The following UBR1 variants were observed in gnomAD, a reference collection of about 807,000 sequenced individuals.
The protein encoded by UBR1 is ubiquitin protein ligase E3 component n-recognin 1.
A neutral mutation model predicts 242.1 loss-of-function variants in UBR1; 102 were observed. The observed-to-expected ratio is 0.42, with a 90% CI of 0.36 to 0.50. The LOEUF (loss-of-function observed/expected upper bound fraction) is 0.50, where lower values mean the gene tolerates loss of function less well. Among genes scored for constraint, UBR1 ranks in the 20% least tolerant of loss-of-function variants. The pLI is 0.01. For missense variants in UBR1, 1,772 were observed against 2,101.8 expected (o/e 0.84, Z 3.07); for synonymous variants, 675 against 684.8 (o/e 0.99, Z 0.22).
intron 3 of UBR1, among the ~76,000 whole-genome samples, chr15:43,076,423 G>A (rs954294130): frequency 4.0e-5 from 6 of 151,342 alleles, no homozygotes; most frequent in Non-Finnish European, 7.4e-5. Context: ...AGTGAGGAGC[G>A]TCTCTGCCCG....
chr15:43,027,943 A>G (rs1186566009), intron 21 of UBR1, 115 bp from the exon 22 acceptor site: 6 of 924,918 alleles, frequency 6.5e-6, no homozygotes, highest in Non-Finnish European at 9.9e-6. Flanking sequence ...AATTTTAAAA[A>G]GATCAATTTC....
chr15:42,959,922 G>A (rs549107164), intron 43 of UBR1, among the ~76,000 whole-genome samples: 1 of 152,334 alleles, frequency 6.6e-6, no homozygotes, highest in African/African-American at 2.4e-5. Flanking sequence ...TGGTACTAGT[G>A]TTGGTATTTA....
intron 12 of UBR1, among the ~76,000 whole-genome samples, chr15:43,053,103 A>G (rs905200677): frequency 5.3e-5 from 8 of 152,210 alleles, no homozygotes; most frequent in African/African-American, 1.9e-4. Context: ...CCTGCAGAAC[A>G]GGTGTTAATT....
Position 42,988,828 on chromosome 15 carries a change from G to C in UBR1, c.3988C>G (p.Gln1330Glu). ...TTCTTATGAGCTTTACCAATTGCCT[G>C]GATAGTGAAAGCGCAGGTGCTCCAG... ...LTWSTCAFTI[Q>E]AIENLLGDEG... Residue 1330 changes from glutamine (Q) to glutamate (E), a missense_variant, in exon 35 of 47, where the codon CAG becomes GAG. Gln to Glu is a conservative substitution (Grantham distance 29, BLOSUM62 2). Transcript: ENST00000290650. 1.2e-6 allele frequency: 2 copies of C among 1,614,178 alleles called. No homozygotes were observed. The highest frequency in any genetic ancestry group is 1.7e-6 in the Non-Finnish European group (2 of 1,180,042).
Position 43,056,412 on chromosome 15 carries a change from T to C in UBR1, c.1213A>G (p.Ser405Gly), listed in dbSNP as rs77360687. 3,084 of 1,611,792 alleles carry C rather than the reference T, an allele frequency of 1.9e-3. 27 individuals are homozygous for C. The African/African-American group carries it at 0.025, about 13-fold the overall frequency. Residue 405 changes from serine to glycine, a missense_variant, in exon 11 of 47, where the codon AGT (serine) becomes GGT (glycine). By Grantham distance (56) the Ser-to-Gly change is moderately conservative. Coordinates refer to ENST00000290650, the MANE Select transcript of UBR1 (RefSeq NM_174916.3). ...YYKQLQKEYI[S>G]DDHDRSISIT... is the part of the protein sequence containing the mutation. ...GAGATACTTCTGTCATGATCATCAC[T>C]GATATATTCTTTCTGCAGTTGTTTA...
At chr15:42,988,991 G>C (rs925967756) in intron 34 of UBR1, 24 bp from the exon 35 acceptor site, 2 of 1,569,040 alleles carry the variant, frequency 1.3e-6, no homozygotes, top group Non-Finnish European at 1.8e-6. Flanking sequence ...AAGAAAATTT[G>C]TATGATTTAG....
intron 30 of UBR1, among the ~76,000 whole-genome samples, chr15:43,006,545 C>G (rs555706441): frequency 4.7e-4 from 71 of 152,330 alleles, no homozygotes; most frequent in African/African-American, 1.6e-3. Context: ...GCTGGGATTA[C>G]AGGCGTGAGC....
intron 39 of UBR1, 137 bp from the exon 40 acceptor site, chr15:42,970,744 C>CA: frequency 1.3e-6 from 1 of 790,386 alleles, no homozygotes; most frequent in Non-Finnish European, 2.0e-6. Context: ...TTTTTTGAGA[C>CA]AGAGTTTCGC....
chr15:43,030,102 G>C (rs748391707), intron 20 of UBR1, 34 bp from the exon 21 acceptor site: 4 of 1,599,412 alleles, frequency 2.5e-6, no homozygotes, highest in Non-Finnish European at 3.4e-6. Context: ...AAAAAAAGTA[G>C]AATAATTATT....
intron 3 of UBR1, among the ~76,000 whole-genome samples, chr15:43,081,334 T>C (rs1476274416): frequency 1.3e-5 from 2 of 148,936 alleles, no homozygotes; most frequent in Non-Finnish European, 3.0e-5. Flanking sequence ...GGAGAATCAC[T>C]TGAAGCCAGG....
chr15:43,006,477 C>T (rs535487442), intron 30 of UBR1, among the ~76,000 whole-genome samples: 1 of 152,318 alleles, frequency 6.6e-6, no homozygotes, highest in African/African-American at 2.4e-5. Flanking sequence ...GCCATGTTGC[C>T]TAGGCTGGTC....
At position 42,945,150 on chromosome 15, in the gene UBR1, CAT is replaced by C. The variant is rs2031710718; in HGVS notation, c.*177_*178del. On this transcript the variant is annotated 3_prime_UTR_variant, in exon 47 of 47. Coordinates refer to ENST00000290650, the MANE Select transcript of UBR1 (RefSeq NM_174916.3). ...ATCTATGTCCTTTTTTCCTGTGAAGCATATGTTTGCTAATTGAAAGCAATACT... is the reference window on the plus strand; with the variant it reads ...ATCTATGTCCTTTTTTCCTGTGAAGCATGTTTGCTAATTGAAAGCAATACT... 4 of 756,406 alleles carry C rather than the reference CAT, an allele frequency of 5.3e-6. No homozygotes were observed. The highest frequency in any genetic ancestry group is 4.8e-5 in the Admixed American group (2 of 41,760). 46.9% of individuals were successfully genotyped at this position (756,406 alleles called of 1,614,324 possible).
chr15:43,033,503 G>T (rs1288649603), intron 19 of UBR1, among the ~76,000 whole-genome samples: 1 of 152,062 alleles, frequency 6.6e-6, no homozygotes, highest in Non-Finnish European at 1.5e-5. Context: ...AATTAGCCAG[G>T]CATGGTGGCA....
intron 1 of UBR1, among the ~76,000 whole-genome samples, chr15:43,105,526 T>C (rs2034285829): frequency 1.3e-5 from 2 of 152,158 alleles, no homozygotes; most frequent in African/African-American, 4.8e-5. Flanking sequence ...CAGCACTACC[T>C]ACCAATATCA....
In UBR1 at chr15:42,998,195, A is replaced by G. The variant is rs187899168; in HGVS notation, c.3730T>C (p.Ser1244Pro). Residue 1244 changes from serine (S) to proline (P), a missense_variant, in exon 33 of 47, where the codon TCA becomes CCA. Transcript: ENST00000290650. ...RWIQTVLARISGYNIRHAKGE... is the reference protein window; with the variant it reads ...RWIQTVLARIPGYNIRHAKGE... ...TTAGCATGTCTTATATTATAACCTG[A>G]TATTCTGGCCAGAACAGTCTGTATC... 5.0e-6 allele frequency: 8 copies of G among 1,613,966 alleles called. No homozygotes were observed. The East Asian group carries it at 1.8e-4, about 36-fold the overall frequency.
intron 32 of UBR1, among the ~76,000 whole-genome samples, chr15:42,998,522 A>G (rs1251876867): frequency 6.6e-6 from 1 of 152,200 alleles, no homozygotes; most frequent in Non-Finnish European, 1.5e-5. Flanking sequence ...TAGAATCACC[A>G]TTCTAGTTGC....
chr15:43,059,936 G>A lies in UBR1; in HGVS notation c.862-111C>T, dbSNP rs528857843. On this transcript the variant is annotated intron_variant, in intron 7 of 46. Coordinates refer to ENST00000290650, the MANE Select transcript of UBR1 (RefSeq NM_174916.3). The stretch of plus-strand genomic sequence containing the variant: ...ATAACCCTGCCAGTTCCAAATCTCT[G>A]CATCTAGGTGCCCCAAACCACTTCA... 1.9e-6 allele frequency: 3 copies of A among 1,540,730 alleles called. No individual in the cohort carries two copies. In the African/African-American group the frequency reaches 4.1e-5, roughly 21 times the overall value.
intron 6 of UBR1, among the ~76,000 whole-genome samples, chr15:43,062,892 G>T (rs1225280279): frequency 6.6e-6 from 1 of 151,362 alleles, no homozygotes; most frequent in Non-Finnish European, 1.5e-5. Flanking sequence ...GGGCTGGCAT[G>T]TCTACTCTGA....
chr15:42,989,055 A>T (rs1458213220), intron 34 of UBR1, 88 bp from the exon 35 acceptor site: 1 of 1,131,514 alleles, frequency 8.8e-7, no homozygotes, highest in Non-Finnish European at 1.3e-6. Context: ...AACAGAAACA[A>T]TTTAACTGCT....
Sources: allele counts gnomAD v4.1 joint callset (sites outside exome capture counted in the v4.1 genomes callset), GRCh38; gene constraint gnomAD v4.1.1; transcripts MANE v1.5; gene names NCBI Gene and HGNC (gene_info 2026-07-23, HGNC 2026-07-21).